The following TENM2 variants were observed in gnomAD, a reference collection of about 807,000 sequenced individuals.
The protein encoded by TENM2 is teneurin-2.
TENM2 carries 52 observed loss-of-function variants against 245.2 expected under a neutral mutation model. The observed-to-expected ratio is 0.21, with a 90% CI of 0.17 to 0.27. The LOEUF (loss-of-function observed/expected upper bound fraction) is 0.27. TENM2 is among the 10% of genes least tolerant of loss of function. The pLI is 1.00. For synonymous variants in TENM2, 1,363 were observed against 1,438.9 expected, an observed-to-expected ratio of 0.95 and a Z score of 1.19; for missense variants, 3,046 against 3,666.8, an observed-to-expected ratio of 0.83 and a Z score of 4.37.
the TENM2 span, among the ~76,000 whole-genome samples, chr5:166,987,429 G>A: frequency 6.6e-6 from 1 of 151,512 alleles, no homozygotes; most frequent in Non-Finnish European, 1.5e-5. Context: ...GGGTGTGTGT[G>A]TGTGTGTGTG....
chr5:167,387,524 T>A (rs1310203914), intron 2 of TENM2, among the ~76,000 whole-genome samples: 1 of 152,128 alleles, frequency 6.6e-6, no homozygotes, highest in Non-Finnish European at 1.5e-5. Flanking sequence ...TTCTCTTGTC[T>A]GATTGCTCTG....
At chr5:168,175,518 T>C (rs1759278801) in intron 13 of TENM2, among the ~76,000 whole-genome samples, 2 of 152,204 alleles carry the variant, frequency 1.3e-5, no homozygotes, top group South Asian at 2.1e-4. Context: ...AATCTTTGCA[T>C]TCATTGCTGA....
At chr5:167,366,772 C>A (rs1760080131) in intron 1 of TENM2, among the ~76,000 whole-genome samples, 1 of 152,126 alleles carries the variant, frequency 6.6e-6, no homozygotes, top group African/African-American at 2.4e-5. Context: ...TAACTCACTA[C>A]TCTCTCTTTC....
At chr5:167,154,078 G>A in the TENM2 span, among the ~76,000 whole-genome samples, 1 of 152,142 alleles carries the variant, frequency 6.6e-6, no homozygotes, top group African/African-American at 2.4e-5. Flanking sequence ...TTCTTCTGGA[G>A]ATTAATATTT....
At chr5:167,805,141 AG>A (rs1766061040) in intron 2 of TENM2, among the ~76,000 whole-genome samples, 1 of 152,114 alleles carries the variant, frequency 6.6e-6, no homozygotes, top group Admixed American at 6.5e-5. Context: ...GGAGGGCGTA[AG>A]AGGGGCATTG....
At chr5:167,681,441 T>C (rs1402534194) in intron 2 of TENM2, among the ~76,000 whole-genome samples, 1 of 152,192 alleles carries the variant, frequency 6.6e-6, no homozygotes, top group African/African-American at 2.4e-5. Context: ...ATGTTATACC[T>C]ATTTTATGTG....
chr5:167,446,987 G>A (rs1232278572), intron 2 of TENM2, among the ~76,000 whole-genome samples: 2 of 152,062 alleles, frequency 1.3e-5, no homozygotes, highest in African/African-American at 4.8e-5. Context: ...TCCAAAACTC[G>A]AAATGCTCCA....
chr5:167,209,202 G>A, the TENM2 span, among the ~76,000 whole-genome samples: 3 of 152,070 alleles, frequency 2.0e-5, no homozygotes, highest in African/African-American at 7.2e-5. Context: ...ATGAAAGAAT[G>A]CGTATGAAGT....
chr5:167,402,676 C>T (rs932162983), intron 2 of TENM2, among the ~76,000 whole-genome samples: 6 of 152,050 alleles, frequency 3.9e-5, no homozygotes, highest in African/African-American at 1.4e-4. Flanking sequence ...TCATGATACA[C>T]CAAAGGCATG....
At chr5:167,216,176 A>G in the TENM2 span, among the ~76,000 whole-genome samples, 8 of 152,220 alleles carry the variant, frequency 5.3e-5, no homozygotes, top group Non-Finnish European at 1.0e-4. Flanking sequence ...TGGAAAGCGA[A>G]GGCAGTCACA....
At chr5:168,239,221 G>T (rs561623051) in intron 25 of TENM2, among the ~76,000 whole-genome samples, 22 of 152,230 alleles carry the variant, frequency 1.4e-4, no homozygotes, top group Middle Eastern at 6.8e-3. Flanking sequence ...CATAATTAAA[G>T]AAATTTGATT....
intron 6 of TENM2, among the ~76,000 whole-genome samples, chr5:168,048,069 GA>G (rs1269765306): frequency 6.6e-6 from 1 of 152,198 alleles, no homozygotes; most frequent in Non-Finnish European, 1.5e-5. Context: ...GGGGAGAATA[GA>G]AAGGAGTTTT....
At chr5:167,876,158 C>T (rs1249259472) in exon 3 of TENM2, 2 of 1,551,608 alleles carry the variant, frequency 1.3e-6, no homozygotes, top group Non-Finnish European at 1.7e-6. Context: ...CATACCTGCT[C>T]AGAGCATGCT....
intron 2 of TENM2, among the ~76,000 whole-genome samples, chr5:167,788,193 T>C (rs719254): frequency 0.028 from 4,222 of 152,282 alleles, 250 homozygotes; most frequent in East Asian, 0.19. Flanking sequence ...TGAATGACTT[T>C]GTATGACTTT....
chr5:167,091,797 A>C, the TENM2 span, among the ~76,000 whole-genome samples: 3 of 152,200 alleles, frequency 2.0e-5, no homozygotes, highest in Non-Finnish European at 4.4e-5. Context: ...AGTAGAAAGA[A>C]TTTTGTCTAA....
chr5:167,113,752 C>A, the TENM2 span, among the ~76,000 whole-genome samples: 1 of 151,820 alleles, frequency 6.6e-6, no homozygotes, highest in East Asian at 1.9e-4. Flanking sequence ...ATGACAAAAG[C>A]AATACATATG....
the TENM2 span, among the ~76,000 whole-genome samples, chr5:167,060,650 C>CAAAAAAAAAAAAAAAAAAAAAAAAAA: frequency 9.8e-6 from 1 of 101,760 alleles, no homozygotes; most frequent in African/African-American, 3.7e-5. Flanking sequence ...GACCTTCTCT[C>CAAAAAAAAAAAAAAAAAAAAAAAAAA]AAAAAAAAAA....
At chr5:168,004,522 C>T (rs1445303993) in intron 5 of TENM2, among the ~76,000 whole-genome samples, 7 of 62,142 alleles carry the variant, frequency 1.1e-4, no homozygotes, top group Admixed American at 9.1e-4. Flanking sequence ...CGCGCGCACA[C>T]ACACACACAC....
chr5:167,969,026 C>A (rs549087603), intron 4 of TENM2, among the ~76,000 whole-genome samples: 139 of 152,342 alleles, frequency 9.1e-4, no homozygotes, highest in Non-Finnish European at 1.7e-3. Flanking sequence ...AAACCACGGA[C>A]CACTCCTTTT....
Sources: allele counts gnomAD v4.1 joint callset (sites outside exome capture counted in the v4.1 genomes callset), GRCh38; gene constraint gnomAD v4.1.1; transcripts MANE v1.5; gene names NCBI Gene and HGNC (gene_info 2026-07-23, HGNC 2026-07-21).